Variants in FTO observed in about 807,000 individuals in gnomAD.
FTO encodes the protein FTO alpha-ketoglutarate dependent dioxygenase.
In FTO, 47 loss-of-function variants were observed where a neutral mutation model predicts 63.9. The ratio of observed to expected loss-of-function variants is 0.74; its 90% confidence interval spans 0.58 to 0.94. The LOEUF is 0.94. FTO is among the 40% of genes least tolerant of loss of function. The pLI, the probability that FTO is intolerant of heterozygous loss-of-function variation, is 0.00. For synonymous variants in FTO, 207 were observed against 224.4 expected (o/e 0.92, Z 0.69); for missense variants, 562 against 618.1 (o/e 0.91, Z 0.96).
chr16:53,931,180 G>T (rs1026607023), intron 7 of FTO, among the ~76,000 whole-genome samples: 1 of 151,972 alleles, frequency 6.6e-6, no homozygotes, highest in African/African-American at 2.4e-5. Flanking sequence ...TCACAGGGGG[G>T]AAAAATTTTG....
intron 7 of FTO, among the ~76,000 whole-genome samples, chr16:53,894,732 G>C (rs1017624420): frequency 1.3e-5 from 2 of 151,968 alleles, no homozygotes; most frequent in Admixed American, 6.6e-5. Context: ...CCATTTTTCA[G>C]GGTTAGCATT....
intron 8 of FTO, among the ~76,000 whole-genome samples, chr16:54,073,126 C>T (rs1396089239): frequency 1.3e-5 from 2 of 152,112 alleles, no homozygotes; most frequent in Admixed American, 6.6e-5. Context: ...AAAAATTCAC[C>T]TTTCTTCCTC....
chr16:54,062,603 A>G (rs1211334545), intron 8 of FTO, among the ~76,000 whole-genome samples: 1 of 152,160 alleles, frequency 6.6e-6, no homozygotes, highest in East Asian at 1.9e-4. Flanking sequence ...ATCATTAGCC[A>G]GCTCTACCTG....
At chr16:53,944,176 TC>T (rs2082603181) in intron 8 of FTO, among the ~76,000 whole-genome samples, 1 of 152,152 alleles carries the variant, frequency 6.6e-6, no homozygotes, top group Non-Finnish European at 1.5e-5. Flanking sequence ...CTATCTTAGG[TC>T]CTGAGGTTGT....
chr16:53,723,498 A>T (rs1024946640), intron 1 of FTO, among the ~76,000 whole-genome samples: 1 of 152,200 alleles, frequency 6.6e-6, no homozygotes, highest in Admixed American at 6.5e-5. Context: ...GGGTCAGCTC[A>T]TACTTCTAAT....
intron 8 of FTO, among the ~76,000 whole-genome samples, chr16:53,974,436 C>A (rs1372040543): frequency 6.6e-6 from 1 of 152,118 alleles, no homozygotes; most frequent in African/African-American, 2.4e-5. Context: ...ATAAAAACAT[C>A]AAGATTCACC....
intron 4 of FTO, among the ~76,000 whole-genome samples, chr16:53,845,994 C>T (rs2151822778): frequency 6.6e-6 from 1 of 152,278 alleles, no homozygotes; most frequent in Non-Finnish European, 1.5e-5. Context: ...TTGCAGTTTA[C>T]ACATCAGTTT....
chr16:53,955,948 G>A (rs556068206), intron 8 of FTO, among the ~76,000 whole-genome samples: 5 of 152,054 alleles, frequency 3.3e-5, no homozygotes, highest in Admixed American at 6.5e-5. Flanking sequence ...GTTCAAGACC[G>A]GTCTGGGCAA....
At chr16:53,862,246 C>CAAAA (rs1449410860) in intron 4 of FTO, among the ~76,000 whole-genome samples, 2 of 151,828 alleles carry the variant, frequency 1.3e-5, no homozygotes, top group African/African-American at 4.8e-5. Context: ...GACTTCATCT[C>CAAAA]AAAAAACAAA....
intron 7 of FTO, among the ~76,000 whole-genome samples, chr16:53,920,150 T>C (rs1190105992): frequency 1.3e-5 from 2 of 152,268 alleles, no homozygotes; most frequent in Admixed American, 6.5e-5. Flanking sequence ...AGCTAACACT[T>C]ACAGACTGGC....
rs920789395 is a variant in FTO, at chr16:54,036,901, C to T, written c.1365-74861C>T. Among the ~76,000 whole-genome samples, 153 of 152,226 alleles carry T rather than the reference C, an allele frequency of 1.0e-3. 1 individual carries two copies. The highest frequency in any genetic ancestry group is 3.3e-3 in the African/African-American group (138 of 41,544). ...ATGATTGTTTTGGTAGGCCTCTGTA[C>T]GGATACAGGATAGCTCATTGAACCC... On this transcript the variant is annotated intron_variant, in intron 8 of 8. Transcript: ENST00000471389.
chr16:53,742,961 G>T (rs993730369), intron 1 of FTO, among the ~76,000 whole-genome samples: 2 of 152,164 alleles, frequency 1.3e-5, no homozygotes, highest in Non-Finnish European at 2.9e-5. Context: ...AGCCTCTTCT[G>T]ATTACTCCAG....
intron 8 of FTO, among the ~76,000 whole-genome samples, chr16:53,940,726 A>G (rs961231539): frequency 1.3e-5 from 2 of 152,340 alleles, no homozygotes; most frequent in East Asian, 3.9e-4. Context: ...TTTCTTCGAA[A>G]AGCTTTTAGA....
At chr16:53,848,353 C>A (rs917105955) in intron 4 of FTO, among the ~76,000 whole-genome samples, 27 of 152,154 alleles carry the variant, frequency 1.8e-4, no homozygotes, top group African/African-American at 6.5e-4. Context: ...CCTGCTGTCT[C>A]AAGTAAATAC....
intron 3 of FTO, among the ~76,000 whole-genome samples, chr16:53,843,526 A>C (rs568706957): frequency 9.8e-5 from 15 of 152,294 alleles, no homozygotes; most frequent in Admixed American, 2.6e-4. Flanking sequence ...TAACATGCTC[A>C]GTTTTAAATT....
intron 8 of FTO, among the ~76,000 whole-genome samples, chr16:54,050,148 G>A (rs1234508105): frequency 1.3e-5 from 2 of 152,102 alleles, no homozygotes; most frequent in African/African-American, 4.8e-5. Flanking sequence ...GGTAATTTGG[G>A]GAGCTTTGAC....
At chr16:54,106,612 A>G (rs1207063149) in intron 8 of FTO, among the ~76,000 whole-genome samples, 3 of 139,924 alleles carry the variant, frequency 2.1e-5, no homozygotes, top group South Asian at 4.3e-4. Context: ...TCATATAATT[A>G]TATAATAAAT....
intron 1 of FTO, among the ~76,000 whole-genome samples, chr16:53,737,602 T>C (rs1329923325): frequency 1.3e-5 from 2 of 152,220 alleles, no homozygotes; most frequent in African/African-American, 4.8e-5. Context: ...TTGTCTGAAA[T>C]ACCATTCTGC....
intron 4 of FTO, among the ~76,000 whole-genome samples, chr16:53,851,949 C>T (rs2079810701): frequency 6.6e-6 from 1 of 151,962 alleles, no homozygotes; most frequent in Non-Finnish European, 1.5e-5. Context: ...AACCCTTAAA[C>T]ATATATATAC....
Sources: allele counts gnomAD v4.1 joint callset (sites outside exome capture counted in the v4.1 genomes callset), GRCh38; gene constraint gnomAD v4.1.1; transcripts MANE v1.5; gene names NCBI Gene and HGNC (gene_info 2026-07-23, HGNC 2026-07-21).